Variants in MSRA observed in about 807,000 individuals in gnomAD.
The protein encoded by MSRA is methionine sulfoxide reductase A, also known as mitochondrial peptide methionine sulfoxide reductase.
Under a neutral mutation model 31.3 loss-of-function variants are expected in MSRA, and 54 were observed. That is an observed-to-expected ratio of 1.73 (90% CI 1.39 to 2.17). MSRA has a LOEUF of 2.17. MSRA is among the 30% of genes most tolerant of loss of function. The pLI is 0.00. For missense variants in MSRA, 507 were observed against 300.9 expected (o/e 1.69, Z -5.07); for synonymous variants, 169 against 116.5 (o/e 1.45, Z -2.90).
At chr8:10,352,820 G>A (rs533918878) in intron 5 of MSRA, among the ~76,000 whole-genome samples, 1 of 152,196 alleles carries the variant, frequency 6.6e-6, no homozygotes, top group East Asian at 1.9e-4. Flanking sequence ...CCAGTGTTTT[G>A]GAGAGTCAAC....
chr8:10,163,871 C>T (rs1804885763), intron 1 of MSRA, among the ~76,000 whole-genome samples: 1 of 152,200 alleles, frequency 6.6e-6, no homozygotes, highest in South Asian at 2.1e-4. Flanking sequence ...CCCTTTGCCC[C>T]AGTCGGCATT....
chr8:10,328,335 C>T (rs928303455), intron 5 of MSRA, among the ~76,000 whole-genome samples: 3 of 149,544 alleles, frequency 2.0e-5, no homozygotes, highest in African/African-American at 7.4e-5. Context: ...TCATCCCTGC[C>T]TCATGCCTTT....
intron 3 of MSRA, among the ~76,000 whole-genome samples, chr8:10,282,773 T>A (rs528883161): frequency 6.6e-6 from 1 of 152,276 alleles, no homozygotes; most frequent in Non-Finnish European, 1.5e-5. Flanking sequence ...TCCACTCTTA[T>A]CAGTGCACCT....
chr8:10,278,299 A>G (rs953282948), intron 3 of MSRA, among the ~76,000 whole-genome samples: 2 of 152,144 alleles, frequency 1.3e-5, no homozygotes, highest in Non-Finnish European at 2.9e-5. Flanking sequence ...GAGGCAGCAT[A>G]CTTGCTCTTG....
At chr8:10,140,497 C>T (rs1432785308) in intron 1 of MSRA, among the ~76,000 whole-genome samples, 2 of 152,102 alleles carry the variant, frequency 1.3e-5, no homozygotes, top group South Asian at 2.1e-4. Flanking sequence ...CCTTGATCTA[C>T]GAGATTTGGA....
At chr8:10,273,632 C>G (rs996316219) in intron 3 of MSRA, among the ~76,000 whole-genome samples, 3 of 152,292 alleles carry the variant, frequency 2.0e-5, no homozygotes. Context: ...CTCCCACCAT[C>G]TCACTTCTTC....
chr8:10,415,854 G>A lies in MSRA; in HGVS notation c.544-12294G>A, dbSNP rs757555309. 2.6e-4 allele frequency among the ~76,000 whole-genome samples: 40 copies of A among 151,820 alleles called. 2 individuals carry two copies. The highest frequency in any genetic ancestry group is 2.1e-3 in the Admixed American group (32 of 15,226). On this transcript the variant is annotated intron_variant, in intron 5 of 5. Coordinates refer to ENST00000317173, the MANE Select transcript of MSRA (RefSeq NM_012331.5). Reference sequence around the variant, plus strand: ...CCTACTGTCAAATTCCCAGTTCAGTGCCCACCTCCTCCTGCAATTTCCCAG... The same window carrying A: ...CCTACTGTCAAATTCCCAGTTCAGTACCCACCTCCTCCTGCAATTTCCCAG...
chr8:10,189,534 T>G (rs1200556464), intron 1 of MSRA, among the ~76,000 whole-genome samples: 1 of 152,216 alleles, frequency 6.6e-6, no homozygotes, highest in Non-Finnish European at 1.5e-5. Flanking sequence ...AAAAAGTTTT[T>G]TAAACACAGG....
intron 1 of MSRA, chr8:10,095,877 T>G (rs577369603): frequency 1.6e-5 from 21 of 1,278,826 alleles, no homozygotes; most frequent in Non-Finnish European, 1.0e-6. Context: ...ATATTTGATT[T>G]TTTGCATGTA....
At chr8:10,273,076 C>A (rs980174511) in intron 3 of MSRA, among the ~76,000 whole-genome samples, 1 of 152,078 alleles carries the variant, frequency 6.6e-6, no homozygotes, top group South Asian at 2.1e-4. Context: ...TAAGATAATT[C>A]TGAAAACAAA....
intron 1 of MSRA, among the ~76,000 whole-genome samples, chr8:10,101,620 T>C (rs900940246): frequency 6.6e-6 from 1 of 152,222 alleles, no homozygotes. Flanking sequence ...GTACCTCATA[T>C]AAGTGGAATC....
intron 1 of MSRA, among the ~76,000 whole-genome samples, chr8:10,055,532 C>T (rs1289169208): frequency 3.9e-5 from 6 of 152,192 alleles, no homozygotes. Context: ...GGTGGGCGTT[C>T]CCCCATTACT....
In MSRA at chr8:10,151,900, G is replaced by T. The variant is rs80073494; in HGVS notation, c.143-55933G>T. 2.6e-3 allele frequency among the ~76,000 whole-genome samples: 398 copies of T among 152,346 alleles called. 2 individuals carry two copies. The highest frequency in any genetic ancestry group is 9.2e-3 in the African/African-American group (381 of 41,586). The stretch of plus-strand genomic sequence containing the variant: ...AAAAGGTTACCTGGCCTTTTTAAGT[G>T]ACTTGAAATGTTTAGCACAGTTTTA... On this transcript the variant is annotated intron_variant, in intron 1 of 5. Transcript: ENST00000317173.
intron 2 of MSRA, among the ~76,000 whole-genome samples, chr8:10,218,115 TA>T (rs1810160958): frequency 7.7e-5 from 2 of 25,978 alleles, no homozygotes; most frequent in South Asian, 8.0e-4. Context: ...GTTCCTTTTC[TA>T]TTTATTTATT....
chr8:10,191,552 A>G (rs979887621), intron 1 of MSRA, among the ~76,000 whole-genome samples: 4 of 152,230 alleles, frequency 2.6e-5, no homozygotes, highest in East Asian at 3.9e-4. Context: ...CTACTTTGAT[A>G]TCTTACACTC....
chr8:10,159,271 G>A (rs985320412), intron 1 of MSRA, among the ~76,000 whole-genome samples: 4 of 152,226 alleles, frequency 2.6e-5, no homozygotes, highest in African/African-American at 9.6e-5. Flanking sequence ...CATTGACAGA[G>A]GGGACAGAGC....
intron 5 of MSRA, among the ~76,000 whole-genome samples, chr8:10,338,337 C>T (rs1444896523): frequency 6.6e-6 from 1 of 152,064 alleles, no homozygotes; most frequent in Non-Finnish European, 1.5e-5. Context: ...GGCCAGAGGC[C>T]AGGGTGGAGT....
At chr8:10,219,276 C>A (rs1250581772) in intron 2 of MSRA, among the ~76,000 whole-genome samples, 2 of 152,170 alleles carry the variant, frequency 1.3e-5, no homozygotes, top group African/African-American at 4.8e-5. Context: ...TTGAGGGTAG[C>A]AGAAGACACT....
At position 10,373,888 on chromosome 8, in the gene MSRA, C is replaced by G. The variant is rs139393501; in HGVS notation, c.543+53899C>G. On this transcript the variant is annotated intron_variant, in intron 5 of 5. Transcript: ENST00000317173. ...AGAAGTGCGGTGTCTGTACAGATCT[C>G]TGAAGTGAAGCATTGGCTGTGGGGT... Among the ~76,000 whole-genome samples the G allele has an allele frequency of 2.0e-5, 3 of 152,278 alleles. No individual in the cohort carries two copies. The East Asian group carries it at 5.8e-4, about 29-fold the overall frequency.
Sources: gnomAD v4.1 joint callset for allele counts (sites outside exome capture counted in the v4.1 genomes callset) on GRCh38, gnomAD v4.1.1 for gene constraint, MANE v1.5 for transcripts, NCBI Gene and HGNC (gene_info 2026-07-23, HGNC 2026-07-21) for gene names.